Variants in LSAMP observed in about 807,000 individuals in gnomAD.
The protein encoded by LSAMP is limbic system-associated membrane protein.
Under a neutral mutation model 38.6 loss-of-function variants are expected in LSAMP, and 7 were observed. That is an observed-to-expected ratio of 0.18 (90% CI 0.10 to 0.34). The LOEUF is 0.34. Among genes scored for constraint, LSAMP ranks in the 10% least tolerant of loss-of-function variants. LSAMP has a pLI of 1.00. For missense variants in LSAMP, 313 were observed against 420.0 expected (o/e 0.75, Z 2.23); for synonymous variants, 154 against 166.8 (o/e 0.92, Z 0.59).
intron 2 of LSAMP, among the ~76,000 whole-genome samples, chr3:116,026,493 C>T (rs1056538254): frequency 2.6e-5 from 4 of 152,150 alleles, no homozygotes; most frequent in Admixed American, 2.6e-4. Flanking sequence ...GAATCCATGC[C>T]TCTTTCTTCT....
intron 1 of LSAMP, among the ~76,000 whole-genome samples, chr3:116,124,322 T>C (rs1382234782): frequency 6.6e-6 from 1 of 152,214 alleles, no homozygotes; most frequent in Non-Finnish European, 1.5e-5. Context: ...TGCTTCTCAT[T>C]CATGAAAATT....
intron 1 of LSAMP, among the ~76,000 whole-genome samples, chr3:116,421,593 A>G (rs1469733264): frequency 6.6e-6 from 1 of 152,148 alleles, no homozygotes. Context: ...AATAATAAGG[A>G]ACAAAATTCT....
intron 1 of LSAMP, among the ~76,000 whole-genome samples, chr3:116,181,703 C>G (rs1470333837): frequency 6.6e-6 from 1 of 151,936 alleles, no homozygotes; most frequent in Non-Finnish European, 1.5e-5. Flanking sequence ...TTATTCATCA[C>G]AATATCCTAA....
In LSAMP at chr3:116,086,345, G is replaced by T. The variant is rs1278810144; in HGVS notation, c.367C>A (p.Gln123Lys). 3.1e-6 allele frequency: 5 copies of T among 1,613,986 alleles called. No individual in the cohort carries two copies. The highest frequency in any genetic ancestry group is 4.2e-6 in the Non-Finnish European group (5 of 1,179,944). Residue 123 changes from glutamine (Q) to lysine (K), a missense_variant, in exon 2 of 7, where the codon CAA becomes AAA. Coordinates refer to ENST00000490035, the MANE Select transcript of LSAMP (RefSeq NM_002338.5). ...VQTQHEPKTS[Q>K]VYLIVQVPPK... is the part of the protein sequence containing the mutation. ...TTACCTTGTACGATCAAGTAAACTT[G>T]GGAGGTCTTGGGCTCATGCTGTGTC...
chr3:116,133,936 G>A (rs1179034065), intron 1 of LSAMP, among the ~76,000 whole-genome samples: 1 of 152,042 alleles, frequency 6.6e-6, no homozygotes, highest in East Asian at 1.9e-4. Flanking sequence ...CTACAAGGTG[G>A]CATGACCCAC....
chr3:116,197,130 GAC>G (rs10650049), intron 1 of LSAMP, among the ~76,000 whole-genome samples: 15,727 of 136,678 alleles, frequency 0.12, 1,289 homozygotes, highest in East Asian at 0.41. Flanking sequence ...ATCCCACTCG[GAC>G]ACACACACAC....
rs914019983 is a variant in LSAMP, at chr3:115,834,512, G to A, written c.919+7333C>T. On this transcript the variant is annotated intron_variant, in intron 6 of 6. Coordinates refer to ENST00000490035, the MANE Select transcript of LSAMP (RefSeq NM_002338.5). ...TTTGTGTGTTTTGCATGTTAAAGAT[G>A]ATGGAGAATGACCCAGGAAGAGAGC... The A allele has an allele frequency of 1.7e-6, 2 of 1,209,406 alleles. 1 individual carries two copies. The highest frequency in any genetic ancestry group is 3.1e-5 in the African/African-American group (2 of 64,170). 74.9% of individuals were successfully genotyped at this position (1,209,406 alleles called of 1,614,324 possible).
At chr3:116,330,226 G>C (rs1348006480) in intron 1 of LSAMP, among the ~76,000 whole-genome samples, 43 of 152,106 alleles carry the variant, frequency 2.8e-4, no homozygotes, top group Admixed American at 2.8e-3. Flanking sequence ...ACTTCCAGGG[G>C]AAGGCTTGGA....
At chr3:116,093,492 A>G (rs1416122708) in intron 1 of LSAMP, among the ~76,000 whole-genome samples, 1 of 152,234 alleles carries the variant, frequency 6.6e-6, no homozygotes, top group Non-Finnish European at 1.5e-5. Context: ...TCAGCAGCAA[A>G]GTTCATGACA....
intron 2 of LSAMP, among the ~76,000 whole-genome samples, chr3:116,052,616 C>A (rs973756355): frequency 6.6e-6 from 1 of 152,142 alleles, no homozygotes; most frequent in Non-Finnish European, 1.5e-5. Flanking sequence ...ATGGGCCAAA[C>A]AAGACAAAGC....
intron 1 of LSAMP, among the ~76,000 whole-genome samples, chr3:116,326,661 T>A (rs2047777223): frequency 6.6e-6 from 1 of 152,208 alleles, no homozygotes; most frequent in Admixed American, 6.5e-5. Context: ...GATACCATTT[T>A]TCTCAATTTC....
At position 116,239,853 on chromosome 3, in the gene LSAMP, A is replaced by C. The variant is rs200179806; in HGVS notation, c.156-153297T>G. ...CTAATAGGGGGTAGATCAATTTTTT[A>C]TTGTTGCTTAATCCTTTGGTCCTTC... On this transcript the variant is annotated intron_variant, in intron 1 of 6. Coordinates refer to ENST00000490035, the MANE Select transcript of LSAMP (RefSeq NM_002338.5). Among the ~76,000 whole-genome samples, 47 of 152,188 alleles carry C rather than the reference A, an allele frequency of 3.1e-4. No individual in the cohort carries two copies. In the East Asian group the frequency reaches 6.4e-3, roughly 21 times the overall value.
chr3:115,826,052 T>C (rs1934396079), intron 6 of LSAMP, among the ~76,000 whole-genome samples: 1 of 152,184 alleles, frequency 6.6e-6, no homozygotes, highest in Admixed American at 6.5e-5. Flanking sequence ...TCTAGACCTT[T>C]GCAGGTAGTG....
chr3:116,326,849 T>C (rs926220284), intron 1 of LSAMP, among the ~76,000 whole-genome samples: 1 of 152,096 alleles, frequency 6.6e-6, no homozygotes, highest in Non-Finnish European at 1.5e-5. Context: ...AGGCATTCCA[T>C]ACTCAGGCTT....
chr3:115,819,055 C>T (rs948090471), intron 6 of LSAMP, among the ~76,000 whole-genome samples: 8 of 151,458 alleles, frequency 5.3e-5, no homozygotes, highest in African/African-American at 1.9e-4. Flanking sequence ...GAAGCTGAGG[C>T]AGGAGAATCA....
chr3:116,020,699 C>T (rs546328492), intron 2 of LSAMP, among the ~76,000 whole-genome samples: 1 of 152,294 alleles, frequency 6.6e-6, no homozygotes, highest in Admixed American at 6.5e-5. Flanking sequence ...CGTCGGTAGG[C>T]TTAAGTGGGG....
At chr3:115,846,171 T>C (rs1327893267) in intron 4 of LSAMP, among the ~76,000 whole-genome samples, 1 of 152,200 alleles carries the variant, frequency 6.6e-6, no homozygotes, top group Non-Finnish European at 1.5e-5. Flanking sequence ...ATTCAAAATA[T>C]GGTTATAATA....
chr3:116,012,498 C>A (rs1294056556), intron 3 of LSAMP, among the ~76,000 whole-genome samples: 2 of 152,240 alleles, frequency 1.3e-5, no homozygotes, highest in African/African-American at 2.4e-5. Context: ...ACTATCTTCT[C>A]AGGTGAGAAT....
intron 1 of LSAMP, among the ~76,000 whole-genome samples, chr3:116,356,733 C>A (rs749327832): frequency 1.3e-5 from 2 of 152,136 alleles, no homozygotes; most frequent in Non-Finnish European, 2.9e-5. Context: ...TATCCATAAT[C>A]ATTTTTTAAT....
Sources: allele counts gnomAD v4.1 joint callset (sites outside exome capture counted in the v4.1 genomes callset), GRCh38; gene constraint gnomAD v4.1.1; transcripts MANE v1.5; gene names NCBI Gene and HGNC (gene_info 2026-07-23, HGNC 2026-07-21).